DMD: variants seen among roughly 807,000 people sequenced by gnomAD.
DMD encodes the protein dystrophin, also known as mutant dystrophin.
DMD carries 63 observed loss-of-function variants against 330.1 expected under a neutral mutation model. The ratio of observed to expected loss-of-function variants is 0.19; its 90% confidence interval spans 0.16 to 0.24. The LOEUF is 0.24. Among genes scored for constraint, DMD ranks in the 10% least tolerant of loss-of-function variants. DMD has a pLI of 1.00. For missense variants in DMD, 3,344 were observed against 2,684.1 expected (o/e 1.25, Z -5.43); for synonymous variants, 1,223 against 959.8 (o/e 1.27, Z -5.07).
chrX:32,226,273 A>C (rs1367473750), intron 43 of DMD, among the ~76,000 whole-genome samples: 1 of 111,643 alleles, frequency 9.0e-6, no homozygotes, highest in Non-Finnish European at 1.9e-5. Flanking sequence ...AAAATCTGAA[A>C]ATTTTCATAA....
intron 12 of DMD, among the ~76,000 whole-genome samples, chrX:32,605,017 C>T (rs2056569207): frequency 9.0e-6 from 1 of 110,662 alleles, no homozygotes; most frequent in Non-Finnish European, 1.9e-5. Context: ...TTATAAATTA[C>T]CAACATCATT....
intron 60 of DMD, among the ~76,000 whole-genome samples, chrX:31,373,514 C>T (rs1247162939): frequency 1.9e-5 from 2 of 103,739 alleles, no homozygotes; most frequent in Non-Finnish European, 2.0e-5. Flanking sequence ...GAAATAATGC[C>T]GCATATCTAC....
intron 60 of DMD, among the ~76,000 whole-genome samples, chrX:31,370,205 A>G (rs1434540471): frequency 1.8e-5 from 2 of 111,385 alleles, no homozygotes; most frequent in East Asian, 5.6e-4. Flanking sequence ...AAAAAGCGAT[A>G]AATTCAACCT....
chrX:32,753,843 C>G (rs2071141592), intron 7 of DMD, among the ~76,000 whole-genome samples: 1 of 111,587 alleles, frequency 9.0e-6, no homozygotes, highest in African/African-American at 3.3e-5. Context: ...CTTTATATAA[C>G]CTAGCAAGTT....
chrX:32,855,760 A>G (rs2081500921), intron 2 of DMD, among the ~76,000 whole-genome samples: 1 of 111,832 alleles, frequency 8.9e-6, no homozygotes, highest in South Asian at 3.7e-4. Flanking sequence ...GTCTAGGCAA[A>G]TATTTCTTGA....
At chrX:32,378,126 A>G (rs2147434051) in intron 34 of DMD, among the ~76,000 whole-genome samples, 1 of 110,602 alleles carries the variant, frequency 9.0e-6, no homozygotes, top group South Asian at 3.7e-4. Flanking sequence ...TAAAGTTAAA[A>G]TTATTTTAAT....
chrX:32,870,706 A>G (rs939308135), intron 2 of DMD, among the ~76,000 whole-genome samples: 3 of 110,879 alleles, frequency 2.7e-5, no homozygotes, highest in African/African-American at 9.8e-5. Flanking sequence ...TGGTGCTGGG[A>G]AGACTGGCTA....
At chrX:32,725,901 T>G (rs2066825644) in intron 7 of DMD, among the ~76,000 whole-genome samples, 1 of 111,268 alleles carries the variant, frequency 9.0e-6, no homozygotes, top group African/African-American at 3.2e-5. Context: ...ATGTGATTAT[T>G]ATTTACTGCA....
rs188378470 is a variant in DMD, at chrX:33,233,544, C to T, written c.7+105715G>A. On this transcript the variant is annotated intron_variant, in intron 1 of 17. Coordinates refer to the DMD transcript ENST00000288447. ...TTATGCTGGCTGAAAAAAGCTAGTT[C>T]GAAAGGATTAAATACCATACAATTC... is the stretch of plus-strand genomic sequence containing the variant. Among the ~76,000 whole-genome samples, 549 of 112,382 alleles carry T rather than the reference C, an allele frequency of 4.9e-3. 1 individual carries two copies. Among genetic ancestry groups the T allele is most frequent in the Non-Finnish European group, 7.9e-3 (422 of 53,261 alleles).
intron 63 of DMD, among the ~76,000 whole-genome samples, chrX:31,228,767 A>G (rs1472467701): frequency 8.9e-6 from 1 of 112,092 alleles, no homozygotes; most frequent in African/African-American, 3.2e-5. Context: ...GAGGAGTGAG[A>G]CTATCCAAGA....
intron 17 of DMD, among the ~76,000 whole-genome samples, chrX:32,523,287 C>A (rs2046620193): frequency 9.0e-6 from 1 of 111,580 alleles, no homozygotes; most frequent in South Asian, 3.8e-4. Flanking sequence ...GTCTTTAACT[C>A]CACATTCTTC....
chrX:32,619,875 G>A (rs2057864056), intron 11 of DMD, among the ~76,000 whole-genome samples: 1 of 111,771 alleles, frequency 8.9e-6, no homozygotes. Flanking sequence ...GGAGCTCAGT[G>A]AGAATTAGAG....
chrX:32,491,832 AGCTGGAAG>A lies in DMD; in HGVS notation c.2381-322_2381-315del, dbSNP rs764726906. Among the ~76,000 whole-genome samples the A allele has an allele frequency of 1.2e-3, 133 of 111,997 alleles. 1 individual carries two copies. Among genetic ancestry groups the A allele is most frequent in the African/African-American group, 4.1e-3 (128 of 30,898 alleles). ...CAAAAGTGCTCAAAGCTCTGATGGG[AGCTGGAAG>A]GCTGCATGAACAAGTAACATTTTGG... On this transcript the variant is annotated intron_variant, in intron 19 of 78. Coordinates refer to ENST00000357033, the MANE Select transcript of DMD (RefSeq NM_004006.3).
chrX:32,536,264 C>CAAAAAAAAAAAAA lies in DMD; in HGVS notation c.2168+8882_2168+8894dup, dbSNP rs1191335690. ...TGGCAACAGAGTGAGACTCCGTCTCCAAAAAAAAAAAAAAAAAAAAAAAAC... is the reference window on the plus strand; with the variant it reads ...TGGCAACAGAGTGAGACTCCGTCTCCAAAAAAAAAAAAAAAAAAAAAAAAAAAAAAAAAAAAAC... On this transcript the variant is annotated intron_variant, in intron 17 of 78. Coordinates refer to ENST00000357033, the MANE Select transcript of DMD (RefSeq NM_004006.3). 5.2e-4 allele frequency among the ~76,000 whole-genome samples: 19 copies of CAAAAAAAAAAAAA among 36,355 alleles called. 2 individuals are homozygous for CAAAAAAAAAAAAA. Among genetic ancestry groups the CAAAAAAAAAAAAA allele is most frequent in the African/African-American group, 2.0e-3 (17 of 8,389 alleles). The allele number at this position is 36,355 out of a possible 115,157, so 31.6% of individuals were successfully genotyped here.
At chrX:33,242,338 A>C (rs1292585566) in intron 1 of DMD, among the ~76,000 whole-genome samples, 1 of 111,476 alleles carries the variant, frequency 9.0e-6, no homozygotes, top group Non-Finnish European at 1.9e-5. Context: ...TATCTCCTAC[A>C]TATCAGTGAG....
intron 54 of DMD, among the ~76,000 whole-genome samples, chrX:31,646,640 C>T (rs765216912): frequency 9.9e-5 from 11 of 111,645 alleles, no homozygotes; most frequent in Non-Finnish European, 1.9e-4. Flanking sequence ...CTCACAGCTG[C>T]CTCCCTCCCT....
chrX:31,903,648 A>C (rs2149824229), intron 47 of DMD, among the ~76,000 whole-genome samples: 1 of 112,346 alleles, frequency 8.9e-6, no homozygotes, highest in Non-Finnish European at 1.9e-5. Context: ...ATGTGGGTAT[A>C]AATCTCTGCT....
intron 45 of DMD, among the ~76,000 whole-genome samples, chrX:31,936,152 T>C (rs1362140907): frequency 9.0e-6 from 1 of 111,633 alleles, no homozygotes; most frequent in Non-Finnish European, 1.9e-5. Flanking sequence ...ATTATTGTGT[T>C]ATTAGGAATT....
chrX:32,379,851 CAT>C (rs2097917858), intron 34 of DMD, among the ~76,000 whole-genome samples: 1 of 110,539 alleles, frequency 9.0e-6, no homozygotes, highest in African/African-American at 3.3e-5. Flanking sequence ...TGAGGTAAAA[CAT>C]GTTATCAATA....
Sources: allele counts gnomAD v4.1 joint callset (sites outside exome capture counted in the v4.1 genomes callset), GRCh38; gene constraint gnomAD v4.1.1; transcripts MANE v1.5; gene names NCBI Gene and HGNC (gene_info 2026-07-23, HGNC 2026-07-21).